The following ANKRD11 variants were observed in gnomAD, a reference collection of about 807,000 sequenced individuals.
The protein encoded by ANKRD11 is ankyrin repeat domain 11, also known as ankyrin repeat domain-containing protein 11.
Under a neutral mutation model 195.7 loss-of-function variants are expected in ANKRD11, and 17 were observed. The ratio of observed to expected loss-of-function variants is 0.09; its 90% CI spans 0.06 to 0.13. The LOEUF (loss-of-function observed/expected upper bound fraction) is 0.13. ANKRD11 is among the 10% of genes least tolerant of loss of function. The pLI, the probability that ANKRD11 is intolerant of heterozygous loss-of-function variation, is 1.00. For missense variants in ANKRD11, 3,735 were observed against 3,566.1 expected (o/e 1.05, Z -1.21); for synonymous variants, 1,953 against 1,528.1 (o/e 1.28, Z -6.49).
intron 2 of ANKRD11, among the ~76,000 whole-genome samples, chr16:89,347,973 A>G (rs2039023160): frequency 6.6e-6 from 1 of 151,496 alleles, no homozygotes; most frequent in African/African-American, 2.4e-5. Context: ...TCATTCCATC[A>G]CCCAGGCTGG....
Position 89,348,857 on chromosome 16 carries a change from C to T in ANKRD11, c.-59-31779G>A, listed in dbSNP as rs573504049. Among the ~76,000 whole-genome samples the T allele has an allele frequency of 8.0e-5, 12 of 150,244 alleles. No individual in the cohort carries two copies. The South Asian group carries it at 1.5e-3, about 18-fold the overall frequency. On this transcript the variant is annotated intron_variant, in intron 2 of 12. Transcript: ENST00000301030. ...CCTGATCCATTTGGCTAAGGGGCTA[C>T]CAGTTTTATTGTCTTTAAAAAAAAA...
chr16:89,431,957 C>A (rs150226155), intron 1 of ANKRD11, among the ~76,000 whole-genome samples: 19 of 152,272 alleles, frequency 1.2e-4, no homozygotes, highest in African/African-American at 3.9e-4. Context: ...CAAAAGCCCA[C>A]TTATAAATCC....
At chr16:89,448,201 G>A (rs2043895029) in intron 1 of ANKRD11, among the ~76,000 whole-genome samples, 1 of 152,212 alleles carries the variant, frequency 6.6e-6, no homozygotes, top group African/African-American at 2.4e-5. Context: ...TGGGCACCTT[G>A]CAGACACTGG....
At chr16:89,480,882 T>C (rs2057423044) in intron 1 of ANKRD11, among the ~76,000 whole-genome samples, 1 of 152,180 alleles carries the variant, frequency 6.6e-6, no homozygotes, top group African/African-American at 2.4e-5. Context: ...ATTCCCCAGA[T>C]AGCCATTTCC....
intron 1 of ANKRD11, among the ~76,000 whole-genome samples, chr16:89,485,523 T>C (rs190348217): frequency 2.8e-4 from 43 of 152,160 alleles, no homozygotes; most frequent in Admixed American, 1.3e-3. Context: ...TTCTTAGAGC[T>C]AGAATAGTAT....
intron 2 of ANKRD11, among the ~76,000 whole-genome samples, chr16:89,329,494 T>A (rs1402502954): frequency 6.6e-6 from 1 of 152,216 alleles, no homozygotes; most frequent in Non-Finnish European, 1.5e-5. Context: ...CCCAACGGTA[T>A]ACGTTTCCCA....
At chr16:89,344,141 G>A (rs191578542) in intron 2 of ANKRD11, among the ~76,000 whole-genome samples, 183 of 152,314 alleles carry the variant, frequency 1.2e-3, no homozygotes, top group African/African-American at 4.2e-3. Flanking sequence ...TGGAGTCTGT[G>A]CTCTGGGAGG....
At chr16:89,393,485 A>G (rs1466468247) in intron 2 of ANKRD11, among the ~76,000 whole-genome samples, 1 of 128,478 alleles carries the variant, frequency 7.8e-6, no homozygotes, top group Non-Finnish European at 1.6e-5. Flanking sequence ...CACCATATCC[A>G]GCTGCTTTTT....
chr16:89,300,942 A>G, intron 4 of ANKRD11: 1 of 695,420 alleles, frequency 1.4e-6, no homozygotes, highest in Non-Finnish European at 2.6e-6. Context: ...CTGCCCCAGG[A>G]CAAGCAGGAC....
At chr16:89,481,426 G>A (rs947581378) in intron 1 of ANKRD11, among the ~76,000 whole-genome samples, 11 of 152,176 alleles carry the variant, frequency 7.2e-5, no homozygotes, top group Middle Eastern at 3.4e-3. Context: ...AAAAATTAGC[G>A]CACGTCTGTA....
At chr16:89,342,524 C>T (rs764507670) in intron 2 of ANKRD11, among the ~76,000 whole-genome samples, 1 of 152,228 alleles carries the variant, frequency 6.6e-6, no homozygotes, top group Non-Finnish European at 1.5e-5. Flanking sequence ...CTCGCTGCGG[C>T]CTGCGTGGCT....
rs201831988 is a variant in ANKRD11, at chr16:89,284,693, C to T, written c.1849G>A (p.Gly617Ser). ...KKSPFLSSAEGAVPKLDKEGK... is the reference protein window; with the variant it reads ...KKSPFLSSAESAVPKLDKEGK... ...TCCTTGTCCAGTTTGGGGACAGCGCCCTCCGCGCTGGACAGGAAGGGGCTC... is the reference window on the plus strand; with the variant it reads ...TCCTTGTCCAGTTTGGGGACAGCGCTCTCCGCGCTGGACAGGAAGGGGCTC... The change falls in exon 9 of 13, where the codon GGC (glycine) becomes AGC (serine). Residue 617 changes from glycine (G) to serine (S), a missense_variant. Coordinates refer to ENST00000301030, the MANE Select transcript of ANKRD11 (RefSeq NM_013275.6). 2.5e-6 allele frequency: 4 copies of T among 1,613,948 alleles called. No individual in the cohort carries two copies. The highest frequency in any genetic ancestry group is 2.5e-6 in the Non-Finnish European group (3 of 1,180,032).
chr16:89,294,657 A>C (rs887826812), intron 4 of ANKRD11, among the ~76,000 whole-genome samples: 1 of 152,158 alleles, frequency 6.6e-6, no homozygotes, highest in African/African-American at 2.4e-5. Flanking sequence ...TCTCCATTCC[A>C]ACCCAGCGAC....
chr16:89,279,234 G>A lies in ANKRD11; in HGVS notation c.7308C>T (p.Asn2436=), dbSNP rs750461360. Residue 2436 remains asparagine, a synonymous_variant, in exon 9 of 13, where the codon AAC becomes AAT. Transcript: ENST00000301030. The surrounding 1 kb of genome is among the most constrained non-coding windows in gnomAD (Gnocchi z 5.6). ...AIEPYHSDRA[N]PYFEYLQIRK... Reference sequence around the variant, plus strand: ...TGATCTGCAGGTATTCGAAGTAGGGGTTGGCCCTGTCGCTGTGGTAGGGCT... The same window carrying A: ...TGATCTGCAGGTATTCGAAGTAGGGATTGGCCCTGTCGCTGTGGTAGGGCT... 27 of 1,611,940 alleles carry A rather than the reference G, an allele frequency of 1.7e-5. No individual in the cohort carries two copies. The highest frequency in any genetic ancestry group is 5.3e-5 in the African/African-American group (4 of 74,858).
intron 2 of ANKRD11, among the ~76,000 whole-genome samples, chr16:89,392,195 T>C (rs1241222060): frequency 6.6e-5 from 10 of 152,350 alleles, no homozygotes; most frequent in South Asian, 4.1e-4. Context: ...TCTCCTTCAT[T>C]CGGTGTACTC....
intron 3 of ANKRD11, among the ~76,000 whole-genome samples, chr16:89,312,273 C>T (rs569066825): frequency 2.4e-4 from 37 of 152,356 alleles, no homozygotes; most frequent in Non-Finnish European, 3.5e-4. Flanking sequence ...AGCCTCAGTG[C>T]AGACGGCATG....
chr16:89,428,542 G>A (rs2042829287), intron 1 of ANKRD11, among the ~76,000 whole-genome samples: 1 of 151,192 alleles, frequency 6.6e-6, no homozygotes, highest in Non-Finnish European at 1.5e-5. Context: ...AAGAATGAAT[G>A]ATGAATGAAT....
intron 11 of ANKRD11, among the ~76,000 whole-genome samples, chr16:89,273,455 A>C (rs2033358212): frequency 6.6e-6 from 1 of 152,166 alleles, no homozygotes; most frequent in Non-Finnish European, 1.5e-5. Flanking sequence ...TAACTCCCGC[A>C]CTTTGGGAGG....
At chr16:89,301,563 G>A in intron 4 of ANKRD11, 3 of 398,898 alleles carry the variant, frequency 7.5e-6, no homozygotes, top group East Asian at 3.6e-5. Flanking sequence ...GACATGGCAG[G>A]TGCCTTCCCA....
Sources: gnomAD v4.1 joint callset for allele counts (sites outside exome capture counted in the v4.1 genomes callset) on GRCh38, gnomAD v4.1.1 for gene constraint, Gnocchi (gnomAD v3.1) non-coding constraint, MANE v1.5 for transcripts, NCBI Gene and HGNC (gene_info 2026-07-23, HGNC 2026-07-21) for gene names.